Variants in ANKRD17 observed in about 807,000 individuals in gnomAD.
The protein encoded by ANKRD17 is ankyrin repeat domain-containing protein 17.
In ANKRD17, 19 loss-of-function variants were observed where a neutral mutation model predicts 229.7. The ratio of observed to expected loss-of-function variants is 0.08; its 90% CI spans 0.06 to 0.12. The LOEUF is 0.12. ANKRD17 is among the 10% of genes least tolerant of loss of function. The probability of loss-of-function intolerance (pLI) is 1.00; values close to 1 mark genes in which losing one functional copy is unlikely to be tolerated. For missense variants in ANKRD17, 2,176 were observed against 3,176.8 expected (o/e 0.68, Z 7.57); for synonymous variants, 1,112 against 1,146.1 (o/e 0.97, Z 0.60).
intron 1 of ANKRD17, among the ~76,000 whole-genome samples, chr4:73,231,967 C>G (rs1743090518): frequency 6.6e-6 from 1 of 152,184 alleles, no homozygotes; most frequent in Non-Finnish European, 1.5e-5. Context: ...TTTCCATGCC[C>G]CTTGTCCCAT....
At position 73,075,450 on chromosome 4, in the gene ANKRD17, T is replaced by C. The variant is rs949017406; in HGVS notation, c.*781A>G. Reference sequence around the variant, plus strand: ...ATCAGAAAGATAATTTTACTGGTATTAGTGGTAAAGGTAAGGAGAGAAAAA... The same window carrying C: ...ATCAGAAAGATAATTTTACTGGTATCAGTGGTAAAGGTAAGGAGAGAAAAA... On this transcript the variant is annotated 3_prime_UTR_variant, in exon 34 of 34. Transcript: ENST00000358602. 3.1e-4 allele frequency: 47 copies of C among 152,604 alleles called. No individual in the cohort carries two copies. Among genetic ancestry groups the C allele is most frequent in the African/African-American group, 1.1e-3 (45 of 41,558 alleles). 9.5% of individuals were successfully genotyped at this position (152,604 alleles called of 1,614,324 possible).
intron 1 of ANKRD17, among the ~76,000 whole-genome samples, chr4:73,202,318 T>TAAAAAAAAAAAAAAAA (rs10533861): frequency 4.6e-5 from 1 of 21,938 alleles, no homozygotes; most frequent in Non-Finnish European, 7.6e-5. Flanking sequence ...GGAACAGGAT[T>TAAAAAAAAAAAAAAAA]AAAAAAAAAA....
rs61024099 is a variant in ANKRD17, at chr4:73,086,919, A to AATATATATATATAT, written c.6962-1487_6962-1474dup. On this transcript the variant is annotated intron_variant, in intron 29 of 33. Transcript: ENST00000358602. ...TCTCAAAAAAAAAAAAAAAAAAAAAAATATATATATATATATATATATATA... is the reference window on the plus strand; with the variant it reads ...TCTCAAAAAAAAAAAAAAAAAAAAAAATATATATATATATATATATATATATATATATATATATA... Among the ~76,000 whole-genome samples the AATATATATATATAT allele has an allele frequency of 3.0e-3, 37 of 12,456 alleles. 1 individual carries two copies. The highest frequency in any genetic ancestry group is 8.8e-3 in the South Asian group (2 of 226). The allele number at this position is 12,456 out of a possible 152,430, so 8.2% of individuals were successfully genotyped here. A position where few individuals can be genotyped will look rare whatever the true frequency, so the allele number is the denominator to read the frequency against.
chr4:73,221,992 C>T (rs1468240699), intron 1 of ANKRD17, among the ~76,000 whole-genome samples: 1 of 152,088 alleles, frequency 6.6e-6, no homozygotes, highest in Non-Finnish European at 1.5e-5. Context: ...CCCTTTGCAG[C>T]TTCTTCTCCC....
chr4:73,164,934 T>A (rs1313345713), intron 2 of ANKRD17, among the ~76,000 whole-genome samples: 1 of 150,458 alleles, frequency 6.6e-6, no homozygotes, highest in Non-Finnish European at 1.5e-5. Context: ...AATAAAATTA[T>A]TAATATTACT....
At chr4:73,101,271 T>A in intron 25 of ANKRD17, 1 of 935,462 alleles carries the variant, frequency 1.1e-6, no homozygotes, top group Non-Finnish European at 1.3e-6. Context: ...AAGAAATCGA[T>A]GATCTGGATT....
chr4:73,179,518 A>ATATATATATTTTTTTTT (rs1192164276), intron 1 of ANKRD17, among the ~76,000 whole-genome samples: 2 of 40,784 alleles, frequency 4.9e-5, no homozygotes, highest in Non-Finnish European at 9.2e-5. Context: ...ATATATATAT[A>ATATATATATTTTTTTTT]TTTTTTTTTT....
At chr4:73,199,017 T>C (rs1391364228) in intron 1 of ANKRD17, among the ~76,000 whole-genome samples, 1 of 152,224 alleles carries the variant, frequency 6.6e-6, no homozygotes, top group African/African-American at 2.4e-5. Context: ...AAAACTTCTA[T>C]AGTATGCTAA....
intron 15 of ANKRD17, among the ~76,000 whole-genome samples, chr4:73,135,859 G>A (rs1728833250): frequency 6.6e-6 from 1 of 152,190 alleles, no homozygotes; most frequent in African/African-American, 2.4e-5. Context: ...TCACACAGAA[G>A]TGTAGTTGCT....
At chr4:73,106,256 T>C (rs1209462760) in intron 24 of ANKRD17, among the ~76,000 whole-genome samples, 1 of 151,568 alleles carries the variant, frequency 6.6e-6, no homozygotes, top group Non-Finnish European at 1.5e-5. Flanking sequence ...AAAAAATAAA[T>C]AAATAAAAAT....
intron 1 of ANKRD17, among the ~76,000 whole-genome samples, chr4:73,256,263 G>A (rs1745445796): frequency 6.6e-6 from 1 of 152,176 alleles, no homozygotes; most frequent in African/African-American, 2.4e-5. Flanking sequence ...ATTACTAAAA[G>A]TTCTGCTTAT....
intron 1 of ANKRD17, among the ~76,000 whole-genome samples, chr4:73,215,779 AAAG>A (rs1231810722): frequency 2.0e-4 from 31 of 152,358 alleles, no homozygotes; most frequent in Admixed American, 1.9e-3. Context: ...GAATGGTTTT[AAAG>A]AAGATTATCC....
chr4:73,201,332 A>G (rs1738648321), intron 1 of ANKRD17, among the ~76,000 whole-genome samples: 1 of 152,138 alleles, frequency 6.6e-6, no homozygotes, highest in South Asian at 2.1e-4. Context: ...TTTTTACTAT[A>G]GGGAAATTGG....
At chr4:73,127,749 C>T (rs1727664899) in intron 16 of ANKRD17, among the ~76,000 whole-genome samples, 1 of 152,068 alleles carries the variant, frequency 6.6e-6, no homozygotes, top group African/African-American at 2.4e-5. Context: ...AAGCAAGGGA[C>T]TATATATGTA....
At chr4:73,163,165 G>A (rs1270148087) in intron 2 of ANKRD17, among the ~76,000 whole-genome samples, 1 of 151,916 alleles carries the variant, frequency 6.6e-6, no homozygotes, top group Non-Finnish European at 1.5e-5. Context: ...CCCCTGTAGT[G>A]GTTTTCAAAT....
At chr4:73,184,884 C>T (rs1490373607) in intron 1 of ANKRD17, among the ~76,000 whole-genome samples, 1 of 152,046 alleles carries the variant, frequency 6.6e-6, no homozygotes, top group South Asian at 2.1e-4. Flanking sequence ...TACTGTGCTG[C>T]GTTCAGAATT....
At chr4:73,194,559 T>TA (rs982324983) in intron 1 of ANKRD17, among the ~76,000 whole-genome samples, 4 of 152,128 alleles carry the variant, frequency 2.6e-5, no homozygotes, top group African/African-American at 9.7e-5. Flanking sequence ...GCTTGTAAAT[T>TA]AAAAAAAGGA....
rs1285710320 is a variant in ANKRD17, at chr4:73,098,739, T to TG, written c.4574-220dup. ...TAGCAGGTAGTTATAAAAAATATTTTGGGGGGCATTTCTGGTGCTGGCGTG... is the reference window on the plus strand; with the variant it reads ...TAGCAGGTAGTTATAAAAAATATTTTGGGGGGGCATTTCTGGTGCTGGCGTG... On this transcript the variant is annotated intron_variant, in intron 25 of 33. Coordinates refer to ENST00000358602, the MANE Select transcript of ANKRD17 (RefSeq NM_032217.5). 31 of 955,840 alleles carry TG rather than the reference T, an allele frequency of 3.2e-5. No homozygotes were observed. In the East Asian group the frequency reaches 6.8e-4, roughly 21 times the overall value. 59.2% of individuals were successfully genotyped at this position (955,840 alleles called of 1,614,324 possible). A position where few individuals can be genotyped will look rare whatever the true frequency, so the allele number is the denominator to read the frequency against.
At chr4:73,124,468 G>C (rs1727173360) in intron 18 of ANKRD17, among the ~76,000 whole-genome samples, 1 of 152,008 alleles carries the variant, frequency 6.6e-6, no homozygotes, top group Non-Finnish European at 1.5e-5. Context: ...AGTTGAGAAA[G>C]GGTGGGGAAA....
Sources: gnomAD v4.1 joint callset for allele counts (sites outside exome capture counted in the v4.1 genomes callset) on GRCh38, gnomAD v4.1.1 for gene constraint, MANE v1.5 for transcripts, NCBI Gene and HGNC (gene_info 2026-07-23, HGNC 2026-07-21) for gene names.